DISC1: variants seen among roughly 807,000 people sequenced by gnomAD.
DISC1 encodes the protein DISC1 scaffold protein.
In DISC1, 57 loss-of-function variants were observed where a neutral mutation model predicts 84.5. The observed-to-expected ratio is 0.67, with a 90% CI of 0.55 to 0.84. DISC1 has a LOEUF of 0.84. Ranked by LOEUF, DISC1 falls within the 40% of genes least tolerant of loss-of-function variation. The probability of loss-of-function intolerance (pLI) is 0.00; values close to 1 mark genes in which losing one functional copy is unlikely to be tolerated. For synonymous variants in DISC1, 411 were observed against 415.2 expected (o/e 0.99, Z 0.12); for missense variants, 1,000 against 1,057.8 (o/e 0.95, Z 0.76).
intron 11 of DISC1, among the ~76,000 whole-genome samples, chr1:232,025,770 G>T (rs912210515): frequency 2.0e-5 from 3 of 151,984 alleles, no homozygotes; most frequent in Admixed American, 1.3e-4. Context: ...CTAATTTTTT[G>T]TATTCTTAGT....
chr1:231,923,596 C>T (rs1039459293), intron 9 of DISC1, among the ~76,000 whole-genome samples: 11 of 152,232 alleles, frequency 7.2e-5, no homozygotes, highest in Non-Finnish European at 1.2e-4. Flanking sequence ...TGGGCTTCCA[C>T]GCTAAAGACC....
Position 231,713,751 on chromosome 1 carries a change from TA to T in DISC1, c.1117+11728del, listed in dbSNP as rs1558401254. Among the ~76,000 whole-genome samples, 3 of 72,970 alleles carry T rather than the reference TA, an allele frequency of 4.1e-5. No individual in the cohort carries two copies. In the East Asian group the frequency reaches 1.5e-3, roughly 35 times the overall value. The allele number at this position is 72,970 out of a possible 152,430, so 47.9% of individuals were successfully genotyped here. A position where few individuals can be genotyped will look rare whatever the true frequency, so the allele number is the denominator to read the frequency against. On this transcript the variant is annotated intron_variant, in intron 3 of 12. Transcript: ENST00000439617. ...GAGATATATACATATATATAGGAGA[TA>T]TATATATAGGAGATATATATATAGG...
chr1:231,973,519 T>C (rs1662333667), intron 10 of DISC1, among the ~76,000 whole-genome samples: 2 of 152,212 alleles, frequency 1.3e-5, no homozygotes, highest in South Asian at 4.1e-4. Flanking sequence ...ACTTGGATCA[T>C]GAATGCTGTT....
At chr1:231,680,915 T>G (rs1331017454) in intron 1 of DISC1, among the ~76,000 whole-genome samples, 1 of 152,202 alleles carries the variant, frequency 6.6e-6, no homozygotes, top group Non-Finnish European at 1.5e-5. Flanking sequence ...GAAGCTGTCT[T>G]TTGCTAGGGT....
chr1:231,782,080 G>T (rs1380583602), intron 6 of DISC1, among the ~76,000 whole-genome samples: 1 of 152,196 alleles, frequency 6.6e-6, no homozygotes, highest in Non-Finnish European at 1.5e-5. Flanking sequence ...GCTTTCAGTG[G>T]GGGGTGCTGT....
chr1:231,712,722 G>A (rs547022681), intron 3 of DISC1, among the ~76,000 whole-genome samples: 44 of 152,302 alleles, frequency 2.9e-4, no homozygotes, highest in Non-Finnish European at 5.1e-4. Flanking sequence ...GTTAAGTACT[G>A]ACATAGGCAT....
At chr1:231,863,757 T>G (rs2084848371) in intron 9 of DISC1, among the ~76,000 whole-genome samples, 1 of 152,216 alleles carries the variant, frequency 6.6e-6, no homozygotes, top group African/African-American at 2.4e-5. Context: ...AATGAGTCCC[T>G]GGTTTCTCAT....
intron 9 of DISC1, among the ~76,000 whole-genome samples, chr1:231,852,208 C>A (rs932318939): frequency 7.2e-5 from 11 of 152,274 alleles, no homozygotes; most frequent in African/African-American, 2.6e-4. Flanking sequence ...AAATTTCAAT[C>A]GATTTTACTT....
At chr1:231,978,568 T>C (rs1275236764) in intron 10 of DISC1, among the ~76,000 whole-genome samples, 4 of 152,162 alleles carry the variant, frequency 2.6e-5, no homozygotes, top group Non-Finnish European at 5.9e-5. Context: ...AAAGTGTTTG[T>C]GTATGAATGT....
chr1:231,957,473 C>T (rs1035444868), intron 9 of DISC1, among the ~76,000 whole-genome samples: 1 of 152,154 alleles, frequency 6.6e-6, no homozygotes, highest in Admixed American at 6.5e-5. Context: ...AATGGAAGCA[C>T]TACAGAAGCA....
rs2076546607 is a variant in DISC1, at chr1:231,771,508, A to C, written c.1634+438A>C. Reference sequence around the variant, plus strand: ...AATGGCAAAGTTCCCATCTGGAAGAATGGATTGTTACTGGTAGCTAAAATG... The same window carrying C: ...AATGGCAAAGTTCCCATCTGGAAGACTGGATTGTTACTGGTAGCTAAAATG... On this transcript the variant is annotated intron_variant, in intron 6 of 12. Transcript: ENST00000439617. 3.0e-6 allele frequency: 3 copies of C among 985,328 alleles called. 1 individual carries two copies. Among genetic ancestry groups the C allele is most frequent in the South Asian group, 9.4e-5 (2 of 21,290 alleles). 61.0% of individuals were successfully genotyped at this position (985,328 alleles called of 1,614,324 possible). A position where few individuals can be genotyped will look rare whatever the true frequency, so the allele number is the denominator to read the frequency against.
At chr1:231,803,054 T>C (rs1033528870) in intron 8 of DISC1, among the ~76,000 whole-genome samples, 2 of 152,146 alleles carry the variant, frequency 1.3e-5, no homozygotes, top group Non-Finnish European at 1.5e-5. Context: ...TGACTTAAAA[T>C]ATTACCAGTT....
intron 10 of DISC1, among the ~76,000 whole-genome samples, chr1:231,975,749 T>A (rs1351748158): frequency 6.6e-6 from 1 of 152,210 alleles, no homozygotes; most frequent in African/African-American, 2.4e-5. Flanking sequence ...TCGTGTGTTC[T>A]CACTCCTAAG....
intron 10 of DISC1, among the ~76,000 whole-genome samples, chr1:231,999,485 C>G (rs989446059): frequency 6.6e-6 from 1 of 152,120 alleles, no homozygotes; most frequent in African/African-American, 2.4e-5. Context: ...AGCTCTCCTT[C>G]CCTCCTGGCC....
chr1:232,027,285 A>G (rs1447357999), intron 12 of DISC1, among the ~76,000 whole-genome samples: 1 of 152,234 alleles, frequency 6.6e-6, no homozygotes, highest in East Asian at 1.9e-4. Context: ...TGGGCAGTAC[A>G]GTAACAAAGC....
chr1:231,641,530 T>G (rs1220645387), intron 1 of DISC1, among the ~76,000 whole-genome samples: 3 of 152,160 alleles, frequency 2.0e-5, no homozygotes, highest in African/African-American at 7.2e-5. Flanking sequence ...GCAGCAAGGT[T>G]TGTTGCAAAC....
At chr1:231,643,109 G>A (rs1558228713) in intron 1 of DISC1, among the ~76,000 whole-genome samples, 1 of 152,102 alleles carries the variant, frequency 6.6e-6, no homozygotes, top group Non-Finnish European at 1.5e-5. Context: ...AGGCCATTTC[G>A]CTAATTCTTT....
chr1:231,858,747 A>T (rs896655995), intron 9 of DISC1, among the ~76,000 whole-genome samples: 1 of 152,200 alleles, frequency 6.6e-6, no homozygotes, highest in Non-Finnish European at 1.5e-5. Context: ...GGAGTGCTGT[A>T]GAAGTTTCCA....
intron 11 of DISC1, among the ~76,000 whole-genome samples, chr1:232,012,371 T>C (rs1477754351): frequency 6.6e-6 from 1 of 152,160 alleles, no homozygotes; most frequent in Non-Finnish European, 1.5e-5. Flanking sequence ...GGTCCAGGAT[T>C]TTAGACTACA....
Sources: gnomAD v4.1 joint callset for allele counts (sites outside exome capture counted in the v4.1 genomes callset) on GRCh38, gnomAD v4.1.1 for gene constraint, MANE v1.5 for transcripts, NCBI Gene and HGNC (gene_info 2026-07-23, HGNC 2026-07-21) for gene names.